The following TMCC3 variants were observed in gnomAD, a reference collection of about 807,000 sequenced individuals.
The protein encoded by TMCC3 is transmembrane and coiled-coil domain protein 3.
In TMCC3, 28 loss-of-function variants were observed where a neutral mutation model predicts 40.2. The observed-to-expected ratio is 0.70, with a 90% CI of 0.52 to 0.95. TMCC3 has a LOEUF of 0.95. Among genes scored for constraint, TMCC3 ranks in the 40% least tolerant of loss-of-function variants. The pLI is 0.00. For synonymous variants in TMCC3, 255 were observed against 248.5 expected (o/e 1.03, Z -0.25); for missense variants, 554 against 615.2 (o/e 0.90, Z 1.05).
chr12:94,605,408 T>C (rs2068777064), intron 1 of TMCC3, among the ~76,000 whole-genome samples: 1 of 152,234 alleles, frequency 6.6e-6, no homozygotes, highest in South Asian at 2.1e-4. Context: ...GGTTCATTCA[T>C]GAATCTGTGT....
At chr12:94,618,040 G>A (rs1252674802) in intron 1 of TMCC3, among the ~76,000 whole-genome samples, 3 of 152,138 alleles carry the variant, frequency 2.0e-5, no homozygotes, top group Admixed American at 6.5e-5. Flanking sequence ...TATATGAGAC[G>A]TATATACTTT....
At chr12:94,650,229 C>T (rs2069047948) in intron 1 of TMCC3, 124 bp downstream of exon 1, 1 of 497,892 alleles carries the variant, frequency 2.0e-6, no homozygotes, top group Admixed American at 5.1e-5. Context: ...GCACGGACCT[C>T]CGGCGGCAGC....
chr12:94,635,914 C>G (rs1344095794), intron 1 of TMCC3, among the ~76,000 whole-genome samples: 5 of 152,152 alleles, frequency 3.3e-5, no homozygotes, highest in Non-Finnish European at 7.4e-5. Context: ...AGTGATCCAC[C>G]TGCCTCGGCC....
At chr12:94,603,487 A>C (rs907381276) in intron 1 of TMCC3, among the ~76,000 whole-genome samples, 1 of 152,234 alleles carries the variant, frequency 6.6e-6, no homozygotes, top group South Asian at 2.1e-4. Flanking sequence ...AAAAGGAATG[A>C]AAAATTGTTC....
intron 1 of TMCC3, among the ~76,000 whole-genome samples, chr12:94,637,984 A>C (rs1041747538): frequency 6.6e-6 from 1 of 152,202 alleles, no homozygotes; most frequent in African/African-American, 2.4e-5. Flanking sequence ...GCAGGTACCC[A>C]CAGGCACAGA....
intron 1 of TMCC3, among the ~76,000 whole-genome samples, chr12:94,602,291 G>A (rs954233499): frequency 4.6e-5 from 7 of 152,184 alleles, no homozygotes; most frequent in Admixed American, 3.9e-4. Context: ...TTTAGTTGCA[G>A]AGATCACAGA....
chr12:94,605,978 G>GA lies in TMCC3; in HGVS notation c.79-23441dup, dbSNP rs367864095. On this transcript the variant is annotated intron_variant, in intron 1 of 3. Transcript: ENST00000261226. ...CTAACTATGACTAAAATTATATGTG[G>GA]AAAAAAAAAATCCAAATGAGATTAG... is the stretch of plus-strand genomic sequence containing the variant. 8.3e-4 allele frequency among the ~76,000 whole-genome samples: 124 copies of GA among 149,212 alleles called. No homozygotes were observed. In the South Asian group the frequency reaches 0.014, roughly 17 times the overall value.
chr12:94,595,697 G>C (rs945078882), intron 1 of TMCC3, among the ~76,000 whole-genome samples: 4 of 152,144 alleles, frequency 2.6e-5, no homozygotes, highest in Admixed American at 6.6e-5. Flanking sequence ...TTCAAGAGTA[G>C]AAGAAAAACT....
At chr12:94,601,047 G>A (rs2068749326) in intron 1 of TMCC3, among the ~76,000 whole-genome samples, 1 of 152,008 alleles carries the variant, frequency 6.6e-6, no homozygotes, top group Non-Finnish European at 1.5e-5. Flanking sequence ...ACATATACAT[G>A]CACACACCTA....
intron 1 of TMCC3, among the ~76,000 whole-genome samples, chr12:94,607,952 T>C (rs1329123923): frequency 6.6e-6 from 1 of 152,260 alleles, no homozygotes; most frequent in Non-Finnish European, 1.5e-5. Flanking sequence ...TGTCATTCAT[T>C]GCTTTCAATG....
chr12:94,629,599 G>A (rs2068921808), intron 1 of TMCC3, among the ~76,000 whole-genome samples: 1 of 152,094 alleles, frequency 6.6e-6, no homozygotes, highest in Non-Finnish European at 1.5e-5. Flanking sequence ...CCTCACGATC[G>A]GGCCTACCCT....
intron 1 of TMCC3, among the ~76,000 whole-genome samples, chr12:94,598,006 C>T (rs545677677): frequency 6.6e-6 from 1 of 152,214 alleles, no homozygotes; most frequent in East Asian, 1.9e-4. Context: ...AGAAGAATGG[C>T]TCAAGAGAGG....
intron 1 of TMCC3, among the ~76,000 whole-genome samples, chr12:94,643,622 T>C (rs922565840): frequency 3.0e-4 from 45 of 152,382 alleles, no homozygotes; most frequent in African/African-American, 1.0e-3. Context: ...ACTATCATTC[T>C]GTATCATTCA....
In TMCC3 at chr12:94,646,501, C is replaced by G. The variant is rs890695151; in HGVS notation, c.78+3852G>C. Among the ~76,000 whole-genome samples the G allele has an allele frequency of 3.6e-5, 5 of 140,446 alleles. No individual in the cohort carries two copies. In the Admixed American group the frequency reaches 3.7e-4, roughly 10 times the overall value. The allele number at this position is 140,446 out of a possible 152,430, so 92.1% of individuals were successfully genotyped here. A position where few individuals can be genotyped will look rare whatever the true frequency, so the allele number is the denominator to read the frequency against. ...TCCCCCAGGCTGGAGTGCAATGGCA[C>G]GATCTCAGCTCTCTGCAATCTCCGC... On this transcript the variant is annotated intron_variant, in intron 1 of 3. Transcript: ENST00000261226.
intron 1 of TMCC3, among the ~76,000 whole-genome samples, chr12:94,585,423 G>A (rs117675899): frequency 0.051 from 7,820 of 152,220 alleles, 241 homozygotes; most frequent in East Asian, 0.14. Context: ...AGGGCCAGGC[G>A]CAGTGGCTCA....
chr12:94,573,250 C>G (rs2068544167), intron 3 of TMCC3, among the ~76,000 whole-genome samples: 1 of 151,908 alleles, frequency 6.6e-6, no homozygotes, highest in Admixed American at 6.6e-5. Context: ...ACGGAGGCAA[C>G]ATCCAGTTTC....
At chr12:94,613,398 T>C (rs960416223) in intron 1 of TMCC3, among the ~76,000 whole-genome samples, 3 of 151,768 alleles carry the variant, frequency 2.0e-5, no homozygotes, top group South Asian at 4.2e-4. Context: ...GCCTGGGAGG[T>C]TGAAGCTGCA....
intron 1 of TMCC3, among the ~76,000 whole-genome samples, chr12:94,623,290 T>G (rs2068885522): frequency 6.6e-6 from 1 of 152,072 alleles, no homozygotes; most frequent in African/African-American, 2.4e-5. Context: ...GGAAGAGAAT[T>G]AACATTTGTT....
intron 1 of TMCC3, among the ~76,000 whole-genome samples, chr12:94,635,481 A>C (rs146292255): frequency 3.3e-5 from 5 of 152,338 alleles, no homozygotes; most frequent in Non-Finnish European, 4.4e-5. Flanking sequence ...GTAGAAGGGC[A>C]GGATTTTATA....
Sources: gnomAD v4.1 joint callset for allele counts (sites outside exome capture counted in the v4.1 genomes callset) on GRCh38, gnomAD v4.1.1 for gene constraint, MANE v1.5 for transcripts, NCBI Gene and HGNC (gene_info 2026-07-23, HGNC 2026-07-21) for gene names.